The following TBC1D5 variants were observed in gnomAD, a reference collection of about 807,000 sequenced individuals.
The protein encoded by TBC1D5 is TBC1 domain family member 5.
TBC1D5 carries 75 observed loss-of-function variants against 100.3 expected under a neutral mutation model. The observed-to-expected ratio is 0.75, with a 90% confidence interval of 0.62 to 0.91. The LOEUF (loss-of-function observed/expected upper bound fraction) is 0.91, where lower values mean the gene tolerates loss of function less well. TBC1D5 is among the 40% of genes least tolerant of loss of function. TBC1D5 has a pLI of 0.00. For synonymous variants in TBC1D5, 323 were observed against 325.6 expected, an observed-to-expected ratio of 0.99 and a Z score of 0.09; for missense variants, 910 against 942.4, an observed-to-expected ratio of 0.97 and a Z score of 0.45.
chr3:17,233,223 G>A (rs770367284), intron 17 of TBC1D5, among the ~76,000 whole-genome samples: 2 of 152,062 alleles, frequency 1.3e-5, no homozygotes, highest in Non-Finnish European at 2.9e-5. Context: ...TAATTCAAAG[G>A]CAATACTTAA....
intron 1 of TBC1D5, among the ~76,000 whole-genome samples, chr3:17,708,192 T>C (rs976232588): frequency 6.6e-6 from 1 of 152,212 alleles, no homozygotes; most frequent in African/African-American, 2.4e-5. Flanking sequence ...AGAATGTGTT[T>C]CATATATTTT....
exon 9 of TBC1D5, chr3:17,383,983 T>A (rs1375354781): frequency 6.3e-7 from 1 of 1,599,378 alleles, no homozygotes; most frequent in South Asian, 1.1e-5. Flanking sequence ...TTTTCTCACA[T>A]TTTCTTGCTG....
intron 2 of TBC1D5, among the ~76,000 whole-genome samples, chr3:17,582,225 A>C (rs1478606547): frequency 6.6e-6 from 1 of 152,200 alleles, no homozygotes; most frequent in Non-Finnish European, 1.5e-5. Flanking sequence ...ATAGCTCCTA[A>C]AACAGTTCTC....
rs1005415597 is a variant in TBC1D5, at chr3:17,472,134, G to GT, written c.97+36339dup. Among the ~76,000 whole-genome samples the GT allele has an allele frequency of 4.1e-3, 601 of 145,218 alleles. 4 individuals are homozygous for GT. Among genetic ancestry groups the GT allele is most frequent in the African/African-American group, 0.013 (494 of 39,464 alleles). ...AAAACATTAAGGTTTTATGAAAGGA[G>GT]TTTTTTTTTTCTTTTTTTTTTTTGA... On this transcript the variant is annotated intron_variant, in intron 3 of 21. Transcript: ENST00000253692.
chr3:17,522,877 G>A (rs1262775476), intron 2 of TBC1D5, among the ~76,000 whole-genome samples: 6 of 151,992 alleles, frequency 3.9e-5, no homozygotes, highest in African/African-American at 7.2e-5. Flanking sequence ...TTAGAATTTT[G>A]AAATCTATGT....
chr3:17,712,825 A>C (rs545478188), intron 1 of TBC1D5, among the ~76,000 whole-genome samples: 4 of 152,240 alleles, frequency 2.6e-5, no homozygotes, highest in Non-Finnish European at 4.4e-5. Flanking sequence ...CCCTGGAATC[A>C]GCATTTTAAG....
chr3:17,506,067 A>G (rs2095841896), intron 3 of TBC1D5, among the ~76,000 whole-genome samples: 2 of 152,264 alleles, frequency 1.3e-5, no homozygotes, highest in Admixed American at 1.3e-4. Flanking sequence ...TTAAATACTT[A>G]GAAAATGAGT....
At position 17,625,902 on chromosome 3, in the gene TBC1D5, A is replaced by T. The variant is rs143978963; in HGVS notation, c.-100-1989T>A. Among the ~76,000 whole-genome samples the T allele has an allele frequency of 5.6e-3, 847 of 152,242 alleles. 9 individuals are homozygous for T. The highest frequency in any genetic ancestry group is 0.019 in the African/African-American group (794 of 41,574). On this transcript the variant is annotated intron_variant, in intron 1 of 21. Transcript: ENST00000253692. The stretch of plus-strand genomic sequence containing the variant: ...TGAGTTTAGAAAATCTTCCTTTTAG[A>T]ATTATTTTCATTATCTTTTAACTAT...
rs13318410 is a variant in TBC1D5 at position 17,186,634 on chromosome 3, C to T, written c.1753-1426G>A. 5.2e-3 allele frequency among the ~76,000 whole-genome samples: 661 copies of T among 127,652 alleles called. 4 individuals are homozygous for T. The highest frequency in any genetic ancestry group is 0.017 in the African/African-American group (575 of 34,118). 83.7% of individuals were successfully genotyped at this position (127,652 alleles called of 152,430 possible). On this transcript the variant is annotated intron_variant, in intron 18 of 21. Transcript: ENST00000253692. The stretch of plus-strand genomic sequence containing the variant: ...CTGAGGCAGGAGAATTGCTTGAATC[C>T]GGGAGGTGAAGGTTGAAGTGAGCCG...
chr3:17,259,676 A>C (rs931921310), intron 15 of TBC1D5, among the ~76,000 whole-genome samples: 1 of 147,766 alleles, frequency 6.8e-6, no homozygotes, highest in South Asian at 2.2e-4. Flanking sequence ...CCTTGGAGAC[A>C]TAATTCCAAG....
intron 16 of TBC1D5, among the ~76,000 whole-genome samples, chr3:17,249,175 C>A (rs539354767): frequency 1.7e-4 from 26 of 152,294 alleles, no homozygotes; most frequent in African/African-American, 6.0e-4. Flanking sequence ...TGTTTATTTT[C>A]TTATCATTCA....
intron 2 of TBC1D5, among the ~76,000 whole-genome samples, chr3:17,568,075 T>C (rs1030717769): frequency 4.6e-5 from 7 of 151,624 alleles, no homozygotes; most frequent in Admixed American, 4.0e-4. Context: ...AGCAAGCATT[T>C]AGAATGGCAA....
rs114533631 is a variant in TBC1D5 at position 17,390,233 on chromosome 3, C to T, written c.510-6218G>A. Among the ~76,000 whole-genome samples, 704 of 152,126 alleles carry T rather than the reference C, an allele frequency of 4.6e-3. 3 individuals carry two copies. Among genetic ancestry groups the T allele is most frequent in the African/African-American group, 0.016 (652 of 41,506 alleles). ...GAACAACTAAACACCAACTTTGGAG[C>T]CCCAATAACCAGGAACCCAGGTGCC... On this transcript the variant is annotated intron_variant, in intron 8 of 21. Transcript: ENST00000253692.
intron 3 of TBC1D5, among the ~76,000 whole-genome samples, chr3:17,485,862 T>C (rs1302952875): frequency 6.6e-6 from 1 of 152,118 alleles, no homozygotes; most frequent in Non-Finnish European, 1.5e-5. Flanking sequence ...TACCCAGTAA[T>C]GGGATGGTTG....
chr3:17,677,763 C>T (rs1303078195), intron 1 of TBC1D5, among the ~76,000 whole-genome samples: 13 of 152,090 alleles, frequency 8.5e-5, no homozygotes, highest in African/African-American at 2.7e-4. Flanking sequence ...CCAACAATGA[C>T]AGACTGAATT....
At chr3:17,700,673 A>G (rs2073024741) in intron 1 of TBC1D5, among the ~76,000 whole-genome samples, 1 of 152,220 alleles carries the variant, frequency 6.6e-6, no homozygotes, top group Admixed American at 6.5e-5. Flanking sequence ...GGCGAAGGAT[A>G]TGAAAAGACA....
intron 17 of TBC1D5, among the ~76,000 whole-genome samples, chr3:17,226,003 C>T (rs774334096): frequency 1.3e-5 from 2 of 151,832 alleles, no homozygotes; most frequent in Admixed American, 6.6e-5. Flanking sequence ...TTTTGGTATC[C>T]GCAGGGGTCC....
chr3:17,255,003 AAATATT>A, intron 16 of TBC1D5, among the ~76,000 whole-genome samples: 1 of 152,314 alleles, frequency 6.6e-6, no homozygotes, highest in Non-Finnish European at 1.5e-5. Context: ...ATCCAAGAGA[AAATATT>A]AGTAAGTAGC....
chr3:17,255,685 T>C (rs2077578843), intron 16 of TBC1D5, among the ~76,000 whole-genome samples: 1 of 152,336 alleles, frequency 6.6e-6, no homozygotes, highest in East Asian at 1.9e-4. Context: ...CCTTTGTGAT[T>C]TTCTCCATTA....
Sources: allele counts gnomAD v4.1 joint callset (sites outside exome capture counted in the v4.1 genomes callset), GRCh38; gene constraint gnomAD v4.1.1; transcripts MANE v1.5; gene names NCBI Gene and HGNC (gene_info 2026-07-23, HGNC 2026-07-21).